The following DAOA variants were observed in gnomAD, a reference collection of about 807,000 sequenced individuals.
DAOA encodes the protein D-amino acid oxidase regulator.
DAOA carries 15 observed loss-of-function variants against 16.4 expected under a neutral mutation model. The observed-to-expected ratio is 0.91, with a 90% CI of 0.61 to 1.41. The LOEUF (loss-of-function observed/expected upper bound fraction) is 1.41, where lower values mean the gene tolerates loss of function less well. DAOA is among the 40% of genes most tolerant of loss of function. The probability of loss-of-function intolerance (pLI) is 0.00; values close to 1 mark genes in which losing one functional copy is unlikely to be tolerated. For synonymous variants in DAOA, 75 were observed against 59.1 expected, an observed-to-expected ratio of 1.27 and a Z score of -1.23; for missense variants, 230 against 176.8, an observed-to-expected ratio of 1.30 and a Z score of -1.71.
intron 3 of DAOA, chr13:105,467,542 C>T (rs746355290): frequency 4.5e-5 from 7 of 154,032 alleles, no homozygotes; most frequent in Non-Finnish European, 7.2e-5. Flanking sequence ...AGGTCTCACA[C>T]AGTGCCTCAC....
intron 4 of DAOA, among the ~76,000 whole-genome samples, chr13:105,487,826 C>T (rs1344879060): frequency 6.6e-6 from 1 of 151,994 alleles, no homozygotes; most frequent in Non-Finnish European, 1.5e-5. Context: ...TCTATAATTG[C>T]CTGATATTTA....
chr13:105,475,010 C>T, intron 4 of DAOA: 1 of 985,752 alleles, frequency 1.0e-6, no homozygotes, highest in Non-Finnish European at 1.2e-6. Context: ...GCAATTTGCA[C>T]TGTCATTTTA....
chr13:105,467,050 T>G lies in DAOA; in HGVS notation c.45-3T>G. The G allele has an allele frequency of 6.2e-7, 1 of 1,607,960 alleles. No individual in the cohort carries two copies. The highest frequency in any genetic ancestry group is 8.5e-7 in the Non-Finnish European group (1 of 1,177,656). On this transcript the variant is annotated splice_polypyrimidine_tract_variant and splice_region_variant and intron_variant, in intron 2 of 5. Coordinates refer to ENST00000375936, the MANE Select transcript of DAOA (RefSeq NM_172370.5). Reference sequence around the variant, plus strand: ...CACGACTGATATTTTCTTTAATTTTTAGATCCAGATATACATTGGGTAAAA... The same window carrying G: ...CACGACTGATATTTTCTTTAATTTTGAGATCCAGATATACATTGGGTAAAA...
At chr13:105,487,173 A>C (rs1048612840) in intron 4 of DAOA, among the ~76,000 whole-genome samples, 1 of 152,156 alleles carries the variant, frequency 6.6e-6, no homozygotes, top group Non-Finnish European at 1.5e-5. Context: ...AAATACCCGG[A>C]GTCTCACATA....
chr13:105,484,044 A>G (rs1877941223), intron 4 of DAOA, among the ~76,000 whole-genome samples: 1 of 152,092 alleles, frequency 6.6e-6, no homozygotes, highest in African/African-American at 2.4e-5. Flanking sequence ...ATTCAACTTG[A>G]GTTAAATTTT....
In DAOA at chr13:105,472,596, G is replaced by C. The variant is rs187721661; in HGVS notation, c.192G>C (p.Arg64Ser). ...CAAGGAAAGAAGGATGGAAGAGAAG[G>C]CATGAGGACGGCTATTTGGAAATGG... ...TVTRKEGWKRRHEDGYLEMAQ... is the reference protein window; with the variant it reads ...TVTRKEGWKRSHEDGYLEMAQ... The change falls in exon 4 of 6, where the codon AGG becomes AGC. Residue 64 changes from arginine (R) to serine (S), a missense_variant. Arg to Ser is a moderately radical substitution (Grantham distance 110). Coordinates refer to ENST00000375936, the MANE Select transcript of DAOA (RefSeq NM_172370.5). 13 of 1,614,032 alleles carry C rather than the reference G, an allele frequency of 8.1e-6. No homozygotes were observed. In the South Asian group the frequency reaches 9.9e-5, roughly 12 times the overall value.
Position 105,472,530 on chromosome 13 carries a change from T to C in DAOA, c.134-8T>C, listed in dbSNP as rs1244982272. ...ATGTATTATATATCCACTTAAATAC[T>C]GTTGCAGCAAAGGAGACAGAAGAAG... On this transcript the variant is annotated splice_region_variant and splice_polypyrimidine_tract_variant and intron_variant, in intron 3 of 5. Transcript: ENST00000375936. 1.2e-6 allele frequency: 2 copies of C among 1,612,772 alleles called. No homozygotes were observed. Among genetic ancestry groups the C allele is most frequent in the Admixed American group, 1.7e-5 (1 of 59,912 alleles).
chr13:105,467,197 CTG>C, intron 3 of DAOA, 56 bp downstream of exon 3: 2 of 1,496,384 alleles, frequency 1.3e-6, no homozygotes, highest in Non-Finnish European at 9.1e-7. Flanking sequence ...TTAGATAAAA[CTG>C]TGGTAAAGCT....
At chr13:105,487,966 G>A (rs2139206679) in intron 4 of DAOA, among the ~76,000 whole-genome samples, 1 of 152,252 alleles carries the variant, frequency 6.6e-6, no homozygotes, top group East Asian at 1.9e-4. Flanking sequence ...AGGAACATTA[G>A]CTGATCATGC....
At chr13:105,476,261 G>A (rs980476804) in intron 4 of DAOA, among the ~76,000 whole-genome samples, 3 of 151,978 alleles carry the variant, frequency 2.0e-5, no homozygotes, top group Admixed American at 1.3e-4. Flanking sequence ...GAACATCCAG[G>A]CACTGGAATT....
In DAOA at chr13:105,466,292, C is replaced by A; in HGVS notation, c.4C>A (p.Leu2Met). 6.2e-7 allele frequency: 1 copy of A among 1,613,924 alleles called. No homozygotes were observed. Among genetic ancestry groups the A allele is most frequent in the Non-Finnish European group, 8.5e-7 (1 of 1,179,916 alleles). MLEKLMGADSLQ... is the reference protein window; with the variant it reads MMEKLMGADSLQ... ...GATTTAGCTGGGAGGACCCAAAATG[C>A]TGGAAAAGCTGATGGGTGCTGATTC... The change falls in exon 2 of 6, where the codon CTG (leucine) becomes ATG (methionine). Residue 2 changes from leucine to methionine, a missense_variant. Transcript: ENST00000375936.
chr13:105,485,054 T>C (rs143011666), intron 4 of DAOA, among the ~76,000 whole-genome samples: 2 of 152,304 alleles, frequency 1.3e-5, no homozygotes, highest in African/African-American at 4.8e-5. Context: ...TTCATATTAG[T>C]CTGAAATAGT....
intron 3 of DAOA, 35 bp from the exon 4 acceptor site, chr13:105,472,503 A>G (rs1252244337): frequency 6.3e-7 from 1 of 1,597,764 alleles, no homozygotes; most frequent in Admixed American, 1.7e-5. Context: ...GATAGAGTTA[A>G]TATGTATTAT....
chr13:105,474,221 T>A (rs1877187312), intron 4 of DAOA, among the ~76,000 whole-genome samples: 1 of 152,072 alleles, frequency 6.6e-6, no homozygotes, highest in Non-Finnish European at 1.5e-5. Context: ...ACTATGAGGT[T>A]TCCCAAGTCC....
At chr13:105,471,719 G>A (rs1284394177) in intron 3 of DAOA, among the ~76,000 whole-genome samples, 1 of 152,128 alleles carries the variant, frequency 6.6e-6, no homozygotes, top group African/African-American at 2.4e-5. Context: ...GGTAAAACTG[G>A]TCGATTCACA....
At chr13:105,469,515 AG>A (rs1244803433) in intron 3 of DAOA, among the ~76,000 whole-genome samples, 1 of 152,216 alleles carries the variant, frequency 6.6e-6, no homozygotes, top group Middle Eastern at 3.2e-3. Context: ...ACATAGATGA[AG>A]GGGATATATA....
intron 4 of DAOA, among the ~76,000 whole-genome samples, chr13:105,489,448 T>C (rs544925058): frequency 6.6e-6 from 1 of 152,360 alleles, no homozygotes; most frequent in African/African-American, 2.4e-5. Context: ...TGTTAGATCA[T>C]ATTCCAGGAA....
chr13:105,474,083 G>A (rs1304865848), intron 4 of DAOA, among the ~76,000 whole-genome samples: 2 of 151,920 alleles, frequency 1.3e-5, no homozygotes, highest in African/African-American at 4.8e-5. Context: ...TATCCGTGTT[G>A]AATATTTCTA....
chr13:105,483,392 G>T lies in DAOA; in HGVS notation c.282-6509G>T, dbSNP rs560648013. On this transcript the variant is annotated intron_variant, in intron 4 of 5. Coordinates refer to ENST00000375936, the MANE Select transcript of DAOA (RefSeq NM_172370.5). ...GATCAATTGAATAGATCTAATAGTA[G>T]TTGGATAGATCACCCTTTATTTAAG... Among the ~76,000 whole-genome samples, 8 of 152,258 alleles carry T rather than the reference G, an allele frequency of 5.3e-5. No individual in the cohort carries two copies. The East Asian group carries it at 1.5e-3, about 29-fold the overall frequency.
Sources: gnomAD v4.1 joint callset for allele counts (sites outside exome capture counted in the v4.1 genomes callset) on GRCh38, gnomAD v4.1.1 for gene constraint, MANE v1.5 for transcripts, NCBI Gene and HGNC (gene_info 2026-07-23, HGNC 2026-07-21) for gene names.